The following CDH13 variants were observed in gnomAD, a reference collection of about 807,000 sequenced individuals.
CDH13 encodes the protein cadherin-13.
A neutral mutation model predicts 63.8 loss-of-function variants in CDH13; 24 were observed. The observed-to-expected ratio is 0.38, with a 90% CI of 0.27 to 0.53. The LOEUF (loss-of-function observed/expected upper bound fraction) is 0.53. Among genes scored for constraint, CDH13 ranks in the 20% least tolerant of loss-of-function variants. CDH13 has a pLI of 0.85. For synonymous variants in CDH13, 503 were observed against 355.3 expected (o/e 1.42, Z -4.67); for missense variants, 1,049 against 903.1 (o/e 1.16, Z -2.07).
chr16:83,028,175 C>T (rs192501533), intron 2 of CDH13, among the ~76,000 whole-genome samples: 5 of 152,228 alleles, frequency 3.3e-5, no homozygotes, highest in African/African-American at 1.2e-4. Context: ...CCTGTGAGGC[C>T]TTGTCATTTG....
At chr16:83,401,215 G>C (rs965734934) in intron 6 of CDH13, among the ~76,000 whole-genome samples, 1 of 152,000 alleles carries the variant, frequency 6.6e-6, no homozygotes, top group African/African-American at 2.4e-5. Flanking sequence ...GTGTGCGCCT[G>C]TAATCCCAGC....
At chr16:83,159,845 C>G (rs2037371920) in intron 4 of CDH13, among the ~76,000 whole-genome samples, 1 of 152,072 alleles carries the variant, frequency 6.6e-6, no homozygotes, top group Non-Finnish European at 1.5e-5. Context: ...GAGACTGAGG[C>G]TAGTGGATCA....
At chr16:83,525,612 G>A (rs947381359) in intron 7 of CDH13, among the ~76,000 whole-genome samples, 2 of 152,146 alleles carry the variant, frequency 1.3e-5, no homozygotes, top group Admixed American at 6.6e-5. Context: ...TCCATAGTAG[G>A]CAAGATAATG....
chr16:83,305,768 G>C (rs1320583424), intron 5 of CDH13, among the ~76,000 whole-genome samples: 1 of 152,118 alleles, frequency 6.6e-6, no homozygotes, highest in Non-Finnish European at 1.5e-5. Context: ...CTTACCTTAG[G>C]ATGTTGGTGA....
At chr16:82,641,672 A>G (rs1909414411) in intron 1 of CDH13, among the ~76,000 whole-genome samples, 1 of 152,240 alleles carries the variant, frequency 6.6e-6, no homozygotes, top group African/African-American at 2.4e-5. Context: ...AGATGGGAGA[A>G]AAGTGGAGGC....
intron 4 of CDH13, among the ~76,000 whole-genome samples, chr16:83,142,620 GATTA>G (rs1308316574): frequency 2.0e-5 from 3 of 152,160 alleles, no homozygotes; most frequent in African/African-American, 7.2e-5. Context: ...TCACACCAGT[GATTA>G]ATTAAGTATT....
intron 6 of CDH13, among the ~76,000 whole-genome samples, chr16:83,448,164 A>C (rs994232360): frequency 1.3e-5 from 2 of 152,148 alleles, no homozygotes; most frequent in African/African-American, 4.8e-5. Context: ...TGAGTGAGCT[A>C]AAGATTTTTT....
intron 2 of CDH13, among the ~76,000 whole-genome samples, chr16:82,957,297 G>A (rs1906266658): frequency 6.6e-6 from 1 of 152,164 alleles, no homozygotes; most frequent in Non-Finnish European, 1.5e-5. Flanking sequence ...ACAAATAGAA[G>A]TTTCTGGTAA....
At chr16:83,201,757 A>C (rs1041536473) in intron 4 of CDH13, among the ~76,000 whole-genome samples, 12 of 151,798 alleles carry the variant, frequency 7.9e-5, no homozygotes, top group African/African-American at 2.4e-4. Context: ...AAAAAAAAAA[A>C]ACACAAAAAA....
intron 2 of CDH13, chr16:82,884,276 G>A (rs1028056844): frequency 2.2e-6 from 1 of 450,862 alleles, no homozygotes. Flanking sequence ...TATAAGATGG[G>A]TTTGTCAGTC....
chr16:82,698,213 G>C (rs182155097), intron 1 of CDH13, among the ~76,000 whole-genome samples: 63 of 152,300 alleles, frequency 4.1e-4, no homozygotes, highest in African/African-American at 1.5e-3. Context: ...GCTATCTCTA[G>C]TCTCTTTAGT....
At chr16:83,773,087 A>C (rs965596309) in intron 11 of CDH13, among the ~76,000 whole-genome samples, 1 of 152,192 alleles carries the variant, frequency 6.6e-6, no homozygotes, top group African/African-American at 2.4e-5. Context: ...GTTAGGCTCC[A>C]ACCCTTCCAC....
At chr16:83,139,609 C>G (rs75205621) in intron 4 of CDH13, among the ~76,000 whole-genome samples, 3,294 of 152,158 alleles carry the variant, frequency 0.022, 118 homozygotes, top group African/African-American at 0.075. Flanking sequence ...TGAAATACAT[C>G]TGTTTTTTCC....
At chr16:83,071,004 T>A (rs1297025511) in intron 3 of CDH13, among the ~76,000 whole-genome samples, 1 of 152,030 alleles carries the variant, frequency 6.6e-6, no homozygotes, top group Non-Finnish European at 1.5e-5. Flanking sequence ...ATGATGCACC[T>A]GAGTTCTCCT....
chr16:83,299,025 C>G (rs909893205), intron 5 of CDH13, among the ~76,000 whole-genome samples: 1 of 152,028 alleles, frequency 6.6e-6, no homozygotes, highest in Admixed American at 6.6e-5. Flanking sequence ...AACCAATATT[C>G]CTACCACCAA....
chr16:83,400,080 T>G (rs2091945151), intron 6 of CDH13, among the ~76,000 whole-genome samples: 1 of 152,108 alleles, frequency 6.6e-6, no homozygotes. Flanking sequence ...TGCCAAGAAT[T>G]AGAAGGGAAG....
chr16:82,859,058 G>A (rs1248783055), intron 2 of CDH13: 6 of 152,410 alleles, frequency 3.9e-5, no homozygotes, highest in Admixed American at 1.3e-4. Flanking sequence ...CATATCTGTG[G>A]TGATGATCTC....
At chr16:83,444,806 T>A (rs1174708653) in intron 6 of CDH13, among the ~76,000 whole-genome samples, 2 of 270 alleles carry the variant, frequency 7.4e-3, no homozygotes, top group African/African-American at 5.0e-3. Context: ...ATGAAAATAT[T>A]CTCATGGTTG....
intron 7 of CDH13, among the ~76,000 whole-genome samples, chr16:83,535,082 G>T (rs1171832023): frequency 6.6e-6 from 1 of 152,228 alleles, no homozygotes; most frequent in Non-Finnish European, 1.5e-5. Context: ...TCAGGATATT[G>T]TTGGGGTCCT....
Sources: allele counts gnomAD v4.1 joint callset (sites outside exome capture counted in the v4.1 genomes callset), GRCh38; gene constraint gnomAD v4.1.1; transcripts MANE v1.5; gene names NCBI Gene and HGNC (gene_info 2026-07-23, HGNC 2026-07-21).